EML4: variants seen among roughly 807,000 people sequenced by gnomAD.
EML4 encodes the protein echinoderm microtubule-associated protein-like 4.
A neutral mutation model predicts 129.0 loss-of-function variants in EML4; 72 were observed. The ratio of observed to expected loss-of-function variants is 0.56; its 90% CI spans 0.46 to 0.68. The LOEUF is 0.68. Ranked by LOEUF, EML4 falls within the 30% of genes least tolerant of loss-of-function variation. EML4 has a pLI of 0.00. For missense variants in EML4, 1,363 were observed against 1,190.6 expected (o/e 1.14, Z -2.13); for synonymous variants, 532 against 405.0 (o/e 1.31, Z -3.77).
intron 5 of EML4, among the ~76,000 whole-genome samples, chr2:42,263,561 T>C (rs567065886): frequency 1.1e-3 from 168 of 146,602 alleles, no homozygotes; most frequent in Non-Finnish European, 2.1e-3. Context: ...CGTGCCACCA[T>C]GCCCAGCTAA....
intron 1 of EML4, among the ~76,000 whole-genome samples, chr2:42,222,884 C>T (rs769243581): frequency 6.6e-6 from 1 of 152,062 alleles, no homozygotes; most frequent in Admixed American, 6.5e-5. Context: ...CTGCAAGCTC[C>T]GCCTCCCGGG....
At chr2:42,245,076 T>A (rs1675295731) in intron 1 of EML4, among the ~76,000 whole-genome samples, 1 of 146,574 alleles carries the variant, frequency 6.8e-6, no homozygotes, top group Admixed American at 7.0e-5. Flanking sequence ...TGGAGTTTTT[T>A]GTTTTGAAAT....
At chr2:42,288,953 A>G (rs1387204552) in intron 11 of EML4, 1 of 152,200 alleles carries the variant, frequency 6.6e-6, no homozygotes, top group East Asian at 1.9e-4. Flanking sequence ...AAAGTGATAG[A>G]ATGGCTTTAA....
intron 1 of EML4, among the ~76,000 whole-genome samples, chr2:42,221,810 G>A (rs537375919): frequency 7.6e-4 from 116 of 151,846 alleles, no homozygotes; most frequent in Non-Finnish European, 1.2e-3. Context: ...CGTCGTGTTG[G>A]CCAGGCTGGT....
intron 20 of EML4, 103 bp from the exon 21 acceptor site, chr2:42,326,051 G>T: frequency 6.8e-7 from 1 of 1,469,166 alleles, no homozygotes; most frequent in Non-Finnish European, 9.1e-7. Context: ...TCAGTGTATG[G>T]ATTATAAATA....
intron 7 of EML4, 102 bp downstream of exon 7, chr2:42,281,075 AGTAACAGCTACTT>A: frequency 5.4e-6 from 5 of 922,782 alleles, no homozygotes; most frequent in East Asian, 2.7e-5. Flanking sequence ...AAAAAAAAAA[AGTAACAGCTACTT>A]AAAAAATTAA....
At position 42,173,587 on chromosome 2, in the gene EML4, G is replaced by A. The variant is rs192174924; in HGVS notation, c.25+3951G>A. 3.6e-3 allele frequency among the ~76,000 whole-genome samples: 553 copies of A among 152,248 alleles called. 3 individuals carry two copies. The highest frequency in any genetic ancestry group is 0.012 in the African/African-American group (518 of 41,536). On this transcript the variant is annotated intron_variant, in intron 1 of 22. Transcript: ENST00000318522. ...ACCATGACTAGGTGCAGTGGCTCAC[G>A]CCTGTAGTCCCAGCACTTTGGGAGG...
intron 17 of EML4, among the ~76,000 whole-genome samples, chr2:42,305,951 A>C (rs1272483302): frequency 6.6e-6 from 1 of 152,216 alleles, no homozygotes; most frequent in African/African-American, 2.4e-5. Context: ...ATGTGAAAAC[A>C]TTCCAATTTC....
chr2:42,229,530 A>T lies in EML4; in HGVS notation c.26-15975A>T, dbSNP rs1322704390. On this transcript the variant is annotated intron_variant, in intron 1 of 22. Coordinates refer to ENST00000318522, the MANE Select transcript of EML4 (RefSeq NM_019063.5). ...ATTTTTTCATAAAGCAAGACAGATAACTGTCTTGCAAGAGTCACCCATTCA... is the reference window on the plus strand; with the variant it reads ...ATTTTTTCATAAAGCAAGACAGATATCTGTCTTGCAAGAGTCACCCATTCA... 1.3e-5 allele frequency among the ~76,000 whole-genome samples: 2 copies of T among 152,126 alleles called. 1 individual carries two copies. The highest frequency in any genetic ancestry group is 4.1e-4 in the South Asian group (2 of 4,830).
chr2:42,315,819 G>T, intron 17 of EML4, 143 bp from the exon 18 acceptor site: 1 of 603,734 alleles, frequency 1.7e-6, no homozygotes. Flanking sequence ...GAAGTTCAAG[G>T]CTGTGGTGAG....
intron 1 of EML4, among the ~76,000 whole-genome samples, chr2:42,241,721 A>G (rs545309774): frequency 2.4e-4 from 37 of 152,334 alleles, no homozygotes; most frequent in Admixed American, 1.5e-3. Context: ...AGAATGCAGC[A>G]TAGAATAAAA....
At chr2:42,230,321 T>A (rs1674250991) in intron 1 of EML4, among the ~76,000 whole-genome samples, 1 of 152,228 alleles carries the variant, frequency 6.6e-6, no homozygotes. Context: ...TATTAAAAGA[T>A]AATTAACAAT....
intron 1 of EML4, among the ~76,000 whole-genome samples, chr2:42,179,284 T>C (rs554536930): frequency 6.6e-6 from 1 of 151,070 alleles, no homozygotes; most frequent in South Asian, 2.1e-4. Flanking sequence ...TTTTTTAATA[T>C]TATAAAGACA....
chr2:42,197,705 A>G (rs571873906), intron 1 of EML4, among the ~76,000 whole-genome samples: 1 of 152,316 alleles, frequency 6.6e-6, no homozygotes, highest in African/African-American at 2.4e-5. Flanking sequence ...ATGATCATTT[A>G]TTGGCACTTC....
intron 13 of EML4, among the ~76,000 whole-genome samples, chr2:42,300,111 C>T (rs1476459721): frequency 6.6e-6 from 1 of 152,150 alleles, no homozygotes; most frequent in Non-Finnish European, 1.5e-5. Flanking sequence ...ATCTATTCAT[C>T]AGTTGAGGAA....
intron 2 of EML4, among the ~76,000 whole-genome samples, chr2:42,251,181 C>T (rs1347860365): frequency 6.6e-6 from 1 of 152,170 alleles, no homozygotes; most frequent in East Asian, 1.9e-4. Context: ...TTGGGGACCC[C>T]TGGTATAGTC....
intron 1 of EML4, among the ~76,000 whole-genome samples, chr2:42,238,492 C>T (rs1277895758): frequency 6.6e-6 from 1 of 152,138 alleles, no homozygotes; most frequent in Non-Finnish European, 1.5e-5. Context: ...CCTGTAATTC[C>T]AGCACTTTGG....
At chr2:42,310,080 G>A (rs1409218185) in intron 17 of EML4, among the ~76,000 whole-genome samples, 2 of 152,080 alleles carry the variant, frequency 1.3e-5, no homozygotes, top group East Asian at 3.9e-4. Flanking sequence ...ACCATTTGTT[G>A]AAAAGACTTC....
intron 1 of EML4, among the ~76,000 whole-genome samples, chr2:42,244,862 T>G (rs1675282802): frequency 6.6e-6 from 1 of 152,092 alleles, no homozygotes; most frequent in South Asian, 2.1e-4. Flanking sequence ...CTTGGAAGTT[T>G]CCTGATGTCT....
Sources: allele counts gnomAD v4.1 joint callset (sites outside exome capture counted in the v4.1 genomes callset), GRCh38; gene constraint gnomAD v4.1.1; transcripts MANE v1.5; gene names NCBI Gene and HGNC (gene_info 2026-07-23, HGNC 2026-07-21).